The following ZNF385D variants were observed in gnomAD, a reference collection of about 807,000 sequenced individuals.
ZNF385D encodes zinc finger protein 385D.
A neutral mutation model predicts 35.8 loss-of-function variants in ZNF385D; 15 were observed. That is an observed-to-expected ratio of 0.42 (90% confidence interval 0.28 to 0.64). The LOEUF (loss-of-function observed/expected upper bound fraction) is 0.64. Among genes scored for constraint, ZNF385D ranks in the 30% least tolerant of loss-of-function variants. ZNF385D has a pLI of 0.23. For missense variants in ZNF385D, 474 were observed against 494.6 expected, an observed-to-expected ratio of 0.96 and a Z score of 0.39; for synonymous variants, 212 against 186.8, an observed-to-expected ratio of 1.13 and a Z score of -1.10.
intron 2 of ZNF385D, among the ~76,000 whole-genome samples, chr3:21,569,425 C>T (rs1215748760): frequency 1.3e-5 from 2 of 150,628 alleles, no homozygotes; most frequent in African/African-American, 2.5e-5. Flanking sequence ...GTAGATCTTC[C>T]TCCATGCTTT....
intron 2 of ZNF385D, among the ~76,000 whole-genome samples, chr3:22,337,415 T>A (rs1487515061): frequency 6.6e-6 from 1 of 152,026 alleles, no homozygotes; most frequent in African/African-American, 2.4e-5. Flanking sequence ...ATGCCTATAA[T>A]CCCAGCTACT....
intron 3 of ZNF385D, among the ~76,000 whole-genome samples, chr3:21,986,061 T>C (rs1694785366): frequency 9.7e-6 from 1 of 103,546 alleles, no homozygotes; most frequent in Non-Finnish European, 1.8e-5. Flanking sequence ...TCTCTCTTTT[T>C]TTCTTTATTA....
intron 4 of ZNF385D, among the ~76,000 whole-genome samples, chr3:21,448,233 A>T (rs2125270163): frequency 6.6e-6 from 1 of 152,294 alleles, no homozygotes; most frequent in East Asian, 1.9e-4. Flanking sequence ...AAAATGGTTG[A>T]CAAAGAGGAT....
At chr3:21,423,664 A>G (rs955365773) in intron 7 of ZNF385D, among the ~76,000 whole-genome samples, 20 of 152,228 alleles carry the variant, frequency 1.3e-4, no homozygotes, top group African/African-American at 3.4e-4. Context: ...GAGAATACCA[A>G]CAATACAAAT....
chr3:21,758,557 C>G, intron 3 of ZNF385D, among the ~76,000 whole-genome samples: 1 of 151,984 alleles, frequency 6.6e-6, no homozygotes, highest in Non-Finnish European at 1.5e-5. Flanking sequence ...AATATGGGAG[C>G]CAAAAAACAG....
At chr3:21,506,013 AC>A (rs1351800626) in intron 4 of ZNF385D, among the ~76,000 whole-genome samples, 2 of 152,094 alleles carry the variant, frequency 1.3e-5, no homozygotes, top group Non-Finnish European at 2.9e-5. Context: ...CAGGATGGCC[AC>A]CCTGCAGGCT....
Position 22,070,027 on chromosome 3 carries a change from CACTA to C in ZNF385D, c.325+98786_325+98789del, listed in dbSNP as rs1442725791. Among the ~76,000 whole-genome samples the C allele has an allele frequency of 2.6e-4, 39 of 152,160 alleles. 1 individual carries two copies. Among genetic ancestry groups the C allele is most frequent in the African/African-American group, 8.0e-4 (33 of 41,438 alleles). On this transcript the variant is annotated intron_variant, in intron 3 of 5. Coordinates refer to the ZNF385D transcript ENST00000494108. Reference sequence around the variant, plus strand: ...ATTCTTGGTACTTTATTTTTAGTGTCACTAACTGTCTAAATTCTGAATTGTATGC... The same window carrying C: ...ATTCTTGGTACTTTATTTTTAGTGTCACTGTCTAAATTCTGAATTGTATGC...
At chr3:22,194,575 CAT>C (rs1429352600) in intron 2 of ZNF385D, among the ~76,000 whole-genome samples, 1 of 151,826 alleles carries the variant, frequency 6.6e-6, no homozygotes, top group Non-Finnish European at 1.5e-5. Flanking sequence ...TAAATTTTAA[CAT>C]ATATTTAAAT....
intron 3 of ZNF385D, among the ~76,000 whole-genome samples, chr3:22,114,570 T>C (rs748780909): frequency 6.6e-6 from 1 of 152,012 alleles, no homozygotes; most frequent in African/African-American, 2.4e-5. Flanking sequence ...CAGTGGAAGG[T>C]ACATTAATGA....
intron 2 of ZNF385D, among the ~76,000 whole-genome samples, chr3:21,569,576 T>G (rs563052631): frequency 6.6e-6 from 1 of 151,030 alleles, no homozygotes; most frequent in South Asian, 2.1e-4. Context: ...AAAGTTAATA[T>G]TGTTACGTGT....
chr3:21,463,213 A>G (rs1703291427), intron 4 of ZNF385D, among the ~76,000 whole-genome samples: 1 of 13,662 alleles, frequency 7.3e-5, no homozygotes, highest in South Asian at 3.2e-3. Context: ...AAATAAAAGT[A>G]GAGCAAAAAA....
intron 2 of ZNF385D, among the ~76,000 whole-genome samples, chr3:21,598,183 T>C (rs1199651398): frequency 6.6e-6 from 1 of 152,178 alleles, no homozygotes; most frequent in Admixed American, 6.6e-5. Context: ...TTCATCATTT[T>C]CAAAGACGGT....
rs1348681608 is a variant in ZNF385D, at chr3:21,870,673, CATG to C, written c.326-205648_326-205646del. Among the ~76,000 whole-genome samples, 7 of 152,206 alleles carry C rather than the reference CATG, an allele frequency of 4.6e-5. No individual in the cohort carries two copies. In the South Asian group the frequency reaches 1.0e-3, roughly 23 times the overall value. ...CCAACTGTTATCAATCTTTGGTATG[CATG>C]ATAATTTTATAAACACTTTTATAGA... On this transcript the variant is annotated intron_variant, in intron 3 of 5. Transcript: ENST00000494108.
intron 1 of ZNF385D, among the ~76,000 whole-genome samples, chr3:21,743,332 A>C (rs2069610979): frequency 6.6e-6 from 1 of 152,140 alleles, no homozygotes; most frequent in South Asian, 2.1e-4. Flanking sequence ...CAATTAATAT[A>C]AGCTTTACTA....
chr3:21,693,842 G>A (rs570997663), intron 1 of ZNF385D, among the ~76,000 whole-genome samples: 19 of 149,376 alleles, frequency 1.3e-4, no homozygotes, highest in African/African-American at 2.7e-4. Flanking sequence ...TATTAATACT[G>A]TAAAACTTTA....
chr3:21,522,995 T>C (rs1423417344), intron 3 of ZNF385D, among the ~76,000 whole-genome samples: 1 of 152,108 alleles, frequency 6.6e-6, no homozygotes, highest in East Asian at 1.9e-4. Context: ...GGGTGATTCT[T>C]GGAGGAAGAG....
intron 2 of ZNF385D, among the ~76,000 whole-genome samples, chr3:22,343,090 T>A (rs1695496417): frequency 6.6e-6 from 1 of 152,358 alleles, no homozygotes; most frequent in Admixed American, 6.5e-5. Context: ...TATTTGGAGA[T>A]ATTTGGTTAA....
chr3:21,502,431 C>A (rs1176292930), intron 4 of ZNF385D, among the ~76,000 whole-genome samples: 1 of 152,130 alleles, frequency 6.6e-6, no homozygotes, highest in Admixed American at 6.5e-5. Context: ...CATACATGTG[C>A]ACATACATAG....
intron 2 of ZNF385D, among the ~76,000 whole-genome samples, chr3:22,317,506 A>G (rs1163788165): frequency 6.6e-6 from 1 of 151,892 alleles, no homozygotes; most frequent in Non-Finnish European, 1.5e-5. Context: ...CTACGTAATA[A>G]AACCACCTTT....
Sources: allele counts gnomAD v4.1 joint callset (sites outside exome capture counted in the v4.1 genomes callset), GRCh38; gene constraint gnomAD v4.1.1; transcripts MANE v1.5; gene names NCBI Gene and HGNC (gene_info 2026-07-23, HGNC 2026-07-21).